The following AHCYL2 variants were observed in gnomAD, a reference collection of about 807,000 sequenced individuals.
The protein encoded by AHCYL2 is adenosylhomocysteinase like 2.
Under a neutral mutation model 81.4 loss-of-function variants are expected in AHCYL2, and 28 were observed. The ratio of observed to expected loss-of-function variants is 0.34; its 90% CI spans 0.25 to 0.47. AHCYL2 has a LOEUF of 0.47. Among genes scored for constraint, AHCYL2 ranks in the 20% least tolerant of loss-of-function variants. The probability of loss-of-function intolerance (pLI) is 1.00; values close to 1 mark genes in which losing one functional copy is unlikely to be tolerated. For synonymous variants in AHCYL2, 272 were observed against 290.2 expected, an observed-to-expected ratio of 0.94 and a Z score of 0.64; for missense variants, 551 against 785.1, an observed-to-expected ratio of 0.70 and a Z score of 3.56.
intron 1 of AHCYL2, among the ~76,000 whole-genome samples, chr7:129,251,119 T>C (rs1795232843): frequency 6.6e-6 from 1 of 152,218 alleles, no homozygotes; most frequent in Admixed American, 6.5e-5. Flanking sequence ...AGTCCAAACC[T>C]GTTGTTTCAT....
Position 129,315,258 on chromosome 7 carries a change from C to T in AHCYL2, c.364-64380C>T, listed in dbSNP as rs374886018. Among the ~76,000 whole-genome samples, 8 of 152,224 alleles carry T rather than the reference C, an allele frequency of 5.3e-5. No individual in the cohort carries two copies. In the East Asian group the frequency reaches 7.7e-4, roughly 15 times the overall value. ...ATCTTCCCTTTTTGTATTTCTATAA[C>T]GTCTGCTCATTGCTTGCATGATCAA... On this transcript the variant is annotated intron_variant, in intron 1 of 16. Coordinates refer to ENST00000325006, the MANE Select transcript of AHCYL2 (RefSeq NM_015328.4).
chr7:129,377,186 G>A (rs1183352284), intron 1 of AHCYL2, among the ~76,000 whole-genome samples: 1 of 152,196 alleles, frequency 6.6e-6, no homozygotes, highest in Non-Finnish European at 1.5e-5. Flanking sequence ...TAAGTAGACA[G>A]ATAGTTACAT....
At chr7:129,361,742 C>T (rs1478683381) in intron 1 of AHCYL2, among the ~76,000 whole-genome samples, 1 of 151,840 alleles carries the variant, frequency 6.6e-6, no homozygotes, top group Non-Finnish European at 1.5e-5. Context: ...CCTCCCATCT[C>T]AGCCTCCCCA....
At chr7:129,270,713 T>C (rs2566881) in intron 1 of AHCYL2, among the ~76,000 whole-genome samples, 141,767 of 152,250 alleles carry the variant, frequency 0.93, 66,803 homozygotes, top group East Asian at 1. Flanking sequence ...TTTTACTCCC[T>C]TGCAGAAAGC....
chr7:129,402,476 G>A (rs942214391), intron 6 of AHCYL2, among the ~76,000 whole-genome samples: 1 of 152,204 alleles, frequency 6.6e-6, no homozygotes, highest in East Asian at 1.9e-4. Context: ...GGGCAACCCA[G>A]TTCTGTGGGA....
chr7:129,318,925 T>C (rs1035195915), intron 1 of AHCYL2, among the ~76,000 whole-genome samples: 4 of 152,048 alleles, frequency 2.6e-5, no homozygotes, highest in African/African-American at 9.7e-5. Context: ...ATATAATTTT[T>C]TTTTTTAATT....
At chr7:129,420,544 A>G (rs1797065901) in intron 12 of AHCYL2, among the ~76,000 whole-genome samples, 1 of 150,912 alleles carries the variant, frequency 6.6e-6, no homozygotes, top group African/African-American at 2.4e-5. Context: ...CAGTGGCACA[A>G]TCTCAGCTCA....
Position 129,419,922 on chromosome 7 carries a change from G to GT in AHCYL2, c.1462-2913dup, listed in dbSNP as rs1562878359. On this transcript the variant is annotated intron_variant, in intron 12 of 16. Transcript: ENST00000325006. This position sits in a 1 kb window ranked among gnomAD's most constrained non-coding sequence, Gnocchi z 4.7. ...AGGTCCACAGCAAAGACAACTGGAT[G>GT]TTTTTAAGAGAGATTCTTGTCAAGT... Among the ~76,000 whole-genome samples, 1 of 152,256 alleles carries GT rather than the reference G, an allele frequency of 6.6e-6. No individual in the cohort carries two copies. Among genetic ancestry groups the GT allele is most frequent in the Admixed American group, 6.5e-5 (1 of 15,292 alleles).
intron 1 of AHCYL2, among the ~76,000 whole-genome samples, chr7:129,268,440 C>G (rs371228169): frequency 6.6e-6 from 1 of 152,218 alleles, no homozygotes; most frequent in East Asian, 1.9e-4. Flanking sequence ...CTCCATCTCC[C>G]GGATTCAAGT....
chr7:129,427,159 C>G lies in AHCYL2; in HGVS notation c.*114C>G. Reference sequence around the variant, plus strand: ...TCTCCAATCAAAGCTGCCTGCCGTGCTCACCCTGTGTGTTAGGTTATTTAT... The same window carrying G: ...TCTCCAATCAAAGCTGCCTGCCGTGGTCACCCTGTGTGTTAGGTTATTTAT... On this transcript the variant is annotated 3_prime_UTR_variant, in exon 17 of 17. Coordinates refer to ENST00000325006, the MANE Select transcript of AHCYL2 (RefSeq NM_015328.4). This position sits in a 1 kb window ranked among gnomAD's most constrained non-coding sequence, Gnocchi z 5.5. 9.1e-7 allele frequency: 1 copy of G among 1,104,554 alleles called. No individual in the cohort carries two copies. The highest frequency in any genetic ancestry group is 1.4e-6 in the Non-Finnish European group (1 of 738,114). 68.4% of individuals were successfully genotyped at this position (1,104,554 alleles called of 1,614,324 possible).
chr7:129,403,219 T>C (rs1426651419), intron 6 of AHCYL2, among the ~76,000 whole-genome samples, 160 bp from the exon 7 acceptor site: 3 of 152,202 alleles, frequency 2.0e-5, no homozygotes, highest in Non-Finnish European at 2.9e-5. Flanking sequence ...ATTTGGCAGA[T>C]TATTGTATTT....
At chr7:129,268,651 C>T (rs183733081) in intron 1 of AHCYL2, among the ~76,000 whole-genome samples, 4 of 152,198 alleles carry the variant, frequency 2.6e-5, no homozygotes, top group Non-Finnish European at 4.4e-5. Flanking sequence ...TGCACCTGGC[C>T]GCTTGTGCTT....
intron 8 of AHCYL2, 181 bp downstream of exon 8, chr7:129,405,394 T>C (rs1796253202): frequency 2.4e-6 from 1 of 415,384 alleles, no homozygotes; most frequent in Non-Finnish European, 4.2e-6. Flanking sequence ...TTGTATCTTT[T>C]CTATTTCTAA....
intron 1 of AHCYL2, among the ~76,000 whole-genome samples, chr7:129,356,053 ATATT>A (rs1793726000): frequency 6.6e-6 from 1 of 152,170 alleles, no homozygotes; most frequent in African/African-American, 2.4e-5. Context: ...ACTCACATAT[ATATT>A]ATAGGAACTT....
chr7:129,299,455 G>C (rs888794669), intron 1 of AHCYL2, among the ~76,000 whole-genome samples: 3 of 130,978 alleles, frequency 2.3e-5, no homozygotes, highest in African/African-American at 8.5e-5. Context: ...GTGCAGTGGC[G>C]CGATCTCGGC....
Position 129,419,920 on chromosome 7 carries a change from A to G in AHCYL2, c.1462-2920A>G, listed in dbSNP as rs541733920. Among the ~76,000 whole-genome samples, 22 of 152,288 alleles carry G rather than the reference A, an allele frequency of 1.4e-4. No individual in the cohort carries two copies. Among genetic ancestry groups the G allele is most frequent in the African/African-American group, 4.8e-4 (20 of 41,548 alleles). On this transcript the variant is annotated intron_variant, in intron 12 of 16. Transcript: ENST00000325006. This position sits in a 1 kb window ranked among gnomAD's most constrained non-coding sequence, Gnocchi z 4.7. ...ATAGGTCCACAGCAAAGACAACTGG[A>G]TGTTTTTAAGAGAGATTCTTGTCAA... is the stretch of plus-strand genomic sequence containing the variant.
At position 129,225,344 on chromosome 7, in the gene AHCYL2, G is replaced by A. The variant is rs1371697638; in HGVS notation, c.268G>A (p.Asp90Asn). Residue 90 changes from aspartate (D) to asparagine (N), a missense_variant, in exon 1 of 17, where the codon GAC becomes AAC. By Grantham distance (23) the Asp-to-Asn change is conservative. Transcript: ENST00000325006. ...VPQASAMKRS[D>N]PHHQHQRHRD... ...TCAGGCGTCGGCCATGAAGCGGAGC[G>A]ACCCACATCACCAGCACCAGCGGCA... 3.3e-6 allele frequency: 5 copies of A among 1,506,408 alleles called. No individual in the cohort carries two copies. In the South Asian group the frequency reaches 4.9e-5, roughly 15 times the overall value. 93.3% of individuals were successfully genotyped at this position (1,506,408 alleles called of 1,614,324 possible). A position where few individuals can be genotyped will look rare whatever the true frequency, so the allele number is the denominator to read the frequency against.
chr7:129,227,742 A>G (rs1189416836), intron 1 of AHCYL2, among the ~76,000 whole-genome samples: 1 of 152,026 alleles, frequency 6.6e-6, no homozygotes, highest in Admixed American at 6.6e-5. Context: ...TCAGCACCAA[A>G]TGTATGTTCC....
At chr7:129,319,439 G>A (rs1249158818) in intron 1 of AHCYL2, among the ~76,000 whole-genome samples, 1 of 151,062 alleles carries the variant, frequency 6.6e-6, no homozygotes, top group Non-Finnish European at 1.5e-5. Flanking sequence ...AACAGAGTGA[G>A]ACTCTGTCGC....
Sources: allele counts gnomAD v4.1 joint callset (sites outside exome capture counted in the v4.1 genomes callset), GRCh38; gene constraint gnomAD v4.1.1; non-coding constraint Gnocchi (gnomAD v3.1); transcripts MANE v1.5; gene names NCBI Gene and HGNC (gene_info 2026-07-23, HGNC 2026-07-21).